Variants in PER1 observed in about 807,000 individuals in gnomAD.
The protein encoded by PER1 is period circadian protein homolog 1.
In PER1, 87 loss-of-function variants were observed where a neutral mutation model predicts 125.9. The ratio of observed to expected loss-of-function variants is 0.69; its 90% CI spans 0.58 to 0.83. The LOEUF (loss-of-function observed/expected upper bound fraction) is 0.83, where lower values mean the gene tolerates loss of function less well. Among genes scored for constraint, PER1 ranks in the 40% least tolerant of loss-of-function variants. The pLI is 0.00. For missense variants in PER1, 1,775 were observed against 1,722.8 expected, an observed-to-expected ratio of 1.03 and a Z score of -0.54; for synonymous variants, 801 against 714.7, an observed-to-expected ratio of 1.12 and a Z score of -1.93.
Position 8,146,994 on chromosome 17 carries a change from G to A in PER1, c.1638C>T (p.Phe546=), listed in dbSNP as rs1279799015. Residue 546 remains phenylalanine (F), a synonymous_variant, in exon 14 of 23, where the codon TTC becomes TTT. Coordinates refer to ENST00000317276, the MANE Select transcript of PER1 (RefSeq NM_002616.3). ...GATGCACATCCTTACAGATCTGCTG[G>A]AAAGTCACCTGTGGGACACAGCACC... ...EGPGPPAPVT[F]QQICKDVHLV... 3 of 1,613,494 alleles carry A rather than the reference G, an allele frequency of 1.9e-6. No individual in the cohort carries two copies. In the Admixed American group the frequency reaches 5.0e-5, roughly 27 times the overall value.
chr17:8,146,765 G>T lies in PER1; in HGVS notation c.1736C>A (p.Ala579Asp), dbSNP rs753274679. ...GGCCTTGGCCTTGAACGTGCCTGTA[G>T]CTGGGGCAAAGAGAGAAAGAGGAAA... ...ARPQSRPRLP[A>D]TGTFKAKALP... Residue 579 changes from alanine (A) to aspartate (D), a missense_variant and splice_region_variant, in exon 15 of 23, where the codon GCT (alanine) becomes GAT (aspartate). Coordinates refer to ENST00000317276, the MANE Select transcript of PER1 (RefSeq NM_002616.3). 1 of 1,610,084 alleles carries T rather than the reference G, an allele frequency of 6.2e-7. No individual in the cohort carries two copies.
intron 1 of PER1, among the ~76,000 whole-genome samples, chr17:8,151,099 G>A (rs1295903859): frequency 6.6e-6 from 1 of 152,200 alleles, no homozygotes; most frequent in Non-Finnish European, 1.5e-5. Context: ...GAGAACCACG[G>A]CTGTAGACAA....
At chr17:8,152,105 G>A (rs562108578) in intron 1 of PER1, among the ~76,000 whole-genome samples, 23 of 152,374 alleles carry the variant, frequency 1.5e-4, no homozygotes, top group African/African-American at 5.1e-4. Flanking sequence ...CGGGAAAGCT[G>A]GGACGGGGAG....
Position 8,141,135 on chromosome 17 carries a change from T to C in PER1, c.3806A>G (p.Glu1269Gly), listed in dbSNP as rs1380453053. Residue 1269 changes from glutamate (E) to glycine (G), a missense_variant, in exon 23 of 23, where the codon GAG becomes GGG. Coordinates refer to ENST00000317276, the MANE Select transcript of PER1 (RefSeq NM_002616.3). ...TGAGCTCCTGCCTTCTTCCTCCTCC[T>C]CCATAGCCAAGTCCTGAGAGCTTGA... The part of the protein sequence containing the change: ...KASSSQDLAM[E>G]EEEEGRSSSS... The C allele has an allele frequency of 1.9e-6, 3 of 1,614,052 alleles. No individual in the cohort carries two copies. Among genetic ancestry groups the C allele is most frequent in the East Asian group, 2.2e-5 (1 of 44,896 alleles).
In PER1 at chr17:8,143,627, G is replaced by C. The variant is rs746567956; in HGVS notation, c.2711C>G (p.Ser904Cys). The C allele has an allele frequency of 1.4e-6, 2 of 1,450,010 alleles. No homozygotes were observed. Among genetic ancestry groups the C allele is most frequent in the East Asian group, 2.5e-5 (1 of 39,628 alleles). The allele number at this position is 1,450,010 out of a possible 1,614,324, so 89.8% of individuals were successfully genotyped here. Residue 904 changes from serine (S) to cysteine (C), a missense_variant, in exon 19 of 23, where the codon TCT becomes TGT. Transcript: ENST00000317276. The stretch of plus-strand genomic sequence containing the variant: ...GGCGGGGAAAGCAGCTGGGGGCACA[G>C]ATGTGGGAGCAGGGGGAAGAGGCTG... ...GPQPLPPAPT[S>C]VPPAAFPAPL...
At position 8,143,586 on chromosome 17, in the gene PER1, T is replaced by C. The variant is rs754330323; in HGVS notation, c.2752A>G (p.Met918Val). 177 of 1,464,482 alleles carry C rather than the reference T, an allele frequency of 1.2e-4. 1 individual carries two copies. The highest frequency in any genetic ancestry group is 5.4e-4 in the Middle Eastern group (3 of 5,526). The allele number at this position is 1,464,482 out of a possible 1,614,324, so 90.7% of individuals were successfully genotyped here. A position where few individuals can be genotyped will look rare whatever the true frequency, so the allele number is the denominator to read the frequency against. The change falls in exon 19 of 23, where the codon ATG (methionine) becomes GTG (valine). Residue 918 changes from methionine (M) to valine (V), a missense_variant. Transcript: ENST00000317276. ...TAGTTAGGGAGCACCAAGGCCACCA[T>C]TGGGGTCACCAAAGGGGCGGGGAAA... is the stretch of plus-strand genomic sequence containing the variant. ...AAFPAPLVTP[M>V]VALVLPNYLF...
At chr17:8,148,125 G>A (rs1982577517) in intron 9 of PER1, 22 bp from the exon 10 acceptor site, 1 of 1,612,260 alleles carries the variant, frequency 6.2e-7, no homozygotes, top group Non-Finnish European at 8.5e-7. Context: ...GGAGGCATCA[G>A]AGTGGCCGTG....
chr17:8,149,526 C>T lies in PER1; in HGVS notation c.789G>A (p.Val263=), dbSNP rs535507647. Residue 263 remains valine (V), a synonymous_variant, in exon 6 of 23, where the codon GTG becomes GTA. Coordinates refer to ENST00000317276, the MANE Select transcript of PER1 (RefSeq NM_002616.3). The part of the protein sequence containing the change: ...RFSELLAPQD[V]GVFYGSTAPS... ...GAGCAGTGGAACCATAGAAGACTCC[C>T]ACATCCTGGGGAGCCAGGAGCTCAG... 9.3e-6 allele frequency: 15 copies of T among 1,613,904 alleles called. No homozygotes were observed. In the African/African-American group the frequency reaches 1.1e-4, roughly 11 times the overall value.
rs1017108844 is a variant in PER1, at chr17:8,142,526, G to C, written c.3260-68C>G. ...ATGCCCACTCCTGGGACCTCACAAG[G>C]CCTCCCTCAAAGGCCACATGTCCAT... On this transcript the variant is annotated intron_variant, in intron 20 of 22. Transcript: ENST00000317276. 3 of 1,546,632 alleles carry C rather than the reference G, an allele frequency of 1.9e-6. No homozygotes were observed. In the South Asian group the frequency reaches 3.7e-5, roughly 19 times the overall value.
At position 8,141,217 on chromosome 17, in the gene PER1, C is replaced by T. The variant is rs775363004; in HGVS notation, c.3724G>A (p.Gly1242Ser). Residue 1242 changes from glycine (G) to serine (S), a missense_variant, in exon 23 of 23, where the codon GGT (glycine) becomes AGT (serine). Coordinates refer to ENST00000317276, the MANE Select transcript of PER1 (RefSeq NM_002616.3). ...CCCTCTCCCTCACCACTGCCGCCAC[C>T]GCTGCTGCCCTGCTCGCCTCCACCC... ...EEGGGEQGSSGGGSGEGEGCE... is the reference protein window; with the variant it reads ...EEGGGEQGSSSGGSGEGEGCE... 9.3e-6 allele frequency: 15 copies of T among 1,614,076 alleles called. No individual in the cohort carries two copies. The highest frequency in any genetic ancestry group is 2.2e-5 in the East Asian group (1 of 44,898).
intron 18 of PER1, 70 bp downstream of exon 18, chr17:8,144,681 A>T: frequency 6.5e-7 from 1 of 1,533,180 alleles, no homozygotes. Flanking sequence ...ACCTCCCTTA[A>T]GACCCACCCC....
chr17:8,142,169 A>G (rs1377228259), intron 21 of PER1, 100 bp downstream of exon 21: 2 of 1,135,926 alleles, frequency 1.8e-6, no homozygotes, highest in East Asian at 5.0e-5. Flanking sequence ...GAAAGATAGA[A>G]ACGTTTATCC....
At chr17:8,147,115 G>A (rs1982501193) in intron 13 of PER1, 113 bp from the exon 14 acceptor site, 9 of 1,406,408 alleles carry the variant, frequency 6.4e-6, no homozygotes, top group Non-Finnish European at 8.8e-6. Context: ...GCCTTGATGG[G>A]AGCAGGACAA....
Position 8,150,439 on chromosome 17 carries a change from T to A in PER1, c.268A>T (p.Ser90Cys), listed in dbSNP as rs1982783630. Residue 90 changes from serine (S) to cysteine (C), a missense_variant, in exon 2 of 23, where the codon AGC becomes TGC. Physicochemically the swap from Ser to Cys is moderately radical, Grantham distance 112. Coordinates refer to ENST00000317276, the MANE Select transcript of PER1 (RefSeq NM_002616.3). ...DSALLETTESSKSTNSQSPSP... is the reference protein window; with the variant it reads ...DSALLETTESCKSTNSQSPSP... Reference sequence around the variant, plus strand: ...ATACACATCCATACACACCTCTTGCTGCTCTCAGTGGTCTCCAGCAGGGCT... The same window carrying A: ...ATACACATCCATACACACCTCTTGCAGCTCTCAGTGGTCTCCAGCAGGGCT... The A allele has an allele frequency of 6.2e-7, 1 of 1,610,800 alleles. No individual in the cohort carries two copies. Among genetic ancestry groups the A allele is most frequent in the Non-Finnish European group, 8.5e-7 (1 of 1,178,290 alleles).
chr17:8,142,467 TG>T lies in PER1; in HGVS notation c.3260-10del, dbSNP rs768486009. 4 of 1,569,388 alleles carry T rather than the reference TG, an allele frequency of 2.5e-6. No individual in the cohort carries two copies. The highest frequency in any genetic ancestry group is 2.3e-5 in the East Asian group (1 of 44,418). On this transcript the variant is annotated splice_polypyrimidine_tract_variant and intron_variant, in intron 20 of 22. Transcript: ENST00000317276. Reference sequence around the variant, plus strand: ...GCTGCTCTGGCTGCTGCCTGTGAAGTGGGGGGCAGACCAATGGGAGTCAGGC... The same window carrying T: ...GCTGCTCTGGCTGCTGCCTGTGAAGTGGGGGCAGACCAATGGGAGTCAGGC...
rs756104544 is a variant in PER1, at chr17:8,141,959, C to A, written c.3450-4G>T. The A allele has an allele frequency of 5.0e-6, 8 of 1,613,688 alleles. No individual in the cohort carries two copies. The Middle Eastern group carries it at 4.9e-4, about 99-fold the overall frequency. ...CTTCAGCACAGAGGTCATGTCCCTG[C>A]CCAAGAAGGGGTTCAGAAGGCAGAG... On this transcript the variant is annotated splice_region_variant and splice_polypyrimidine_tract_variant and intron_variant, in intron 21 of 22. Transcript: ENST00000317276.
Position 8,150,096 on chromosome 17 carries a change from T to C in PER1, c.404A>G (p.Gln135Arg). ...TCGAAGTGCTGTCATGAGTTCCTTC[T>C]GAGTCCTTGCCCGGGCTGACTGTTC... ...SSEQSARART[Q>R]KELMTALREL... The change falls in exon 4 of 23, where the codon CAG becomes CGG. Residue 135 changes from glutamine (Q) to arginine (R), a missense_variant. Coordinates refer to ENST00000317276, the MANE Select transcript of PER1 (RefSeq NM_002616.3). The C allele has an allele frequency of 6.2e-7, 1 of 1,614,108 alleles. No individual in the cohort carries two copies. Among genetic ancestry groups the C allele is most frequent in the East Asian group, 2.2e-5 (1 of 44,896 alleles).
intron 7 of PER1, 148 bp downstream of exon 7, chr17:8,149,111 C>G: frequency 1.3e-6 from 1 of 746,866 alleles, no homozygotes; most frequent in Non-Finnish European, 2.3e-6. Context: ...ATCGCTTGAA[C>G]CTGGGAGGCG....
chr17:8,149,784 T>C lies in PER1; in HGVS notation c.622A>G (p.Ile208Val). 2 of 1,613,406 alleles carry C rather than the reference T, an allele frequency of 1.2e-6. No individual in the cohort carries two copies. Among genetic ancestry groups the C allele is most frequent in the Non-Finnish European group, 1.7e-6 (2 of 1,180,012 alleles). ...STYTLEELEH[I>V]TSEYTLQNQD... ...TTCTGAAGTGTGTACTCAGACGTGA[T>C]GTGCTCCAGCTCCTCCAGGGTATAG... Residue 208 changes from isoleucine (I) to valine (V), a missense_variant, in exon 5 of 23, where the codon ATC becomes GTC. Physicochemically the swap from Ile to Val is conservative, Grantham distance 29. Coordinates refer to ENST00000317276, the MANE Select transcript of PER1 (RefSeq NM_002616.3).
Sources: gnomAD v4.1 joint callset for allele counts (sites outside exome capture counted in the v4.1 genomes callset) on GRCh38, gnomAD v4.1.1 for gene constraint, MANE v1.5 for transcripts, NCBI Gene and HGNC (gene_info 2026-07-23, HGNC 2026-07-21) for gene names.